Variants in CTNNA2 observed in about 807,000 individuals in gnomAD.
CTNNA2 encodes the protein catenin alpha 2.
Under a neutral mutation model 101.0 loss-of-function variants are expected in CTNNA2, and 42 were observed. That is an observed-to-expected ratio of 0.42 (90% CI 0.32 to 0.54). CTNNA2 has a LOEUF of 0.54. Among genes scored for constraint, CTNNA2 ranks in the 20% least tolerant of loss-of-function variants. CTNNA2 has a pLI of 0.14. For missense variants in CTNNA2, 871 were observed against 1,223.1 expected (o/e 0.71, Z 4.29); for synonymous variants, 450 against 456.4 (o/e 0.99, Z 0.18).
intron 1 of CTNNA2, among the ~76,000 whole-genome samples, chr2:79,603,482 T>C (rs1380386287): frequency 6.6e-6 from 1 of 152,146 alleles, no homozygotes; most frequent in African/African-American, 2.4e-5. Context: ...AGAAGATTGT[T>C]GAAAAAACAT....
chr2:79,504,801 A>G (rs1671377473), intron 4 of CTNNA2, among the ~76,000 whole-genome samples: 1 of 152,192 alleles, frequency 6.6e-6, no homozygotes. Flanking sequence ...AGTACAGTGA[A>G]AAGGGTGTAT....
intron 9 of CTNNA2, among the ~76,000 whole-genome samples, chr2:80,427,214 G>T (rs975555945): frequency 1.3e-5 from 2 of 152,168 alleles, no homozygotes; most frequent in Non-Finnish European, 2.9e-5. Flanking sequence ...TAGCACAGTT[G>T]TAGGATCCTA....
At chr2:79,202,634 A>C (rs971793874) in intron 2 of CTNNA2, among the ~76,000 whole-genome samples, 1 of 152,176 alleles carries the variant, frequency 6.6e-6, no homozygotes, top group Non-Finnish European at 1.5e-5. Context: ...CTTTAATCCT[A>C]TGAGAGAATA....
chr2:79,280,139 A>G (rs1027969639), intron 2 of CTNNA2, among the ~76,000 whole-genome samples: 7 of 152,106 alleles, frequency 4.6e-5, no homozygotes, highest in African/African-American at 1.7e-4. Context: ...TTGTCAAGGG[A>G]TACGGAGGTT....
chr2:80,094,321 T>C (rs1700000155), intron 7 of CTNNA2, among the ~76,000 whole-genome samples: 2 of 152,138 alleles, frequency 1.3e-5, no homozygotes, highest in Admixed American at 1.3e-4. Flanking sequence ...GTTGTAGATA[T>C]GCGGCATTAT....
rs35054232 is a variant in CTNNA2, at chr2:80,302,581, A to G, written c.1057-90630A>G. 18,243 of 1,607,344 alleles carry G rather than the reference A, an allele frequency of 0.011. 750 individuals are homozygous for G. In the African/African-American group the frequency reaches 0.14, roughly 12 times the overall value. On this transcript the variant is annotated intron_variant, in intron 7 of 18. Transcript: ENST00000402739. The surrounding 1 kb of genome is among the most constrained non-coding windows in gnomAD (Gnocchi z 6.4). ...CGTTCTCGGCGTGCTCGCCGCCTGG[A>G]AGAGCCACGGTGGCAGGCTCGAATG...
intron 4 of CTNNA2, among the ~76,000 whole-genome samples, chr2:79,392,548 C>G (rs1252885370): frequency 6.6e-6 from 1 of 152,122 alleles, no homozygotes; most frequent in Non-Finnish European, 1.5e-5. Flanking sequence ...AAATATCAGG[C>G]CAGTTTTTGT....
At chr2:80,101,943 T>TTG (rs761957086) in intron 7 of CTNNA2, among the ~76,000 whole-genome samples, 4 of 152,182 alleles carry the variant, frequency 2.6e-5, no homozygotes, top group Non-Finnish European at 5.9e-5. Flanking sequence ...AAGTCTGCTC[T>TTG]TGTAGATTCT....
intron 7 of CTNNA2, among the ~76,000 whole-genome samples, chr2:80,193,811 G>C (rs775711026): frequency 5.9e-5 from 9 of 152,112 alleles, no homozygotes; most frequent in Non-Finnish European, 1.0e-4. Flanking sequence ...ATATCCAGCT[G>C]TTAATCATTA....
intron 4 of CTNNA2, among the ~76,000 whole-genome samples, chr2:79,449,124 G>A (rs1003305216): frequency 1.3e-5 from 2 of 151,958 alleles, no homozygotes; most frequent in African/African-American, 2.4e-5. Context: ...CCCCAAAAAG[G>A]GGTTTTAAAA....
At chr2:80,329,024 T>G (rs1398340620) in intron 7 of CTNNA2, among the ~76,000 whole-genome samples, 1 of 152,234 alleles carries the variant, frequency 6.6e-6, no homozygotes, top group Non-Finnish European at 1.5e-5. Flanking sequence ...TCATTATGAC[T>G]GTATAAGTTT....
At position 79,580,542 on chromosome 2, in the gene CTNNA2, C is replaced by T. The variant is rs966599189; in HGVS notation, c.-6+67335C>T. Among the ~76,000 whole-genome samples the T allele has an allele frequency of 7.9e-5, 12 of 152,220 alleles. No individual in the cohort carries two copies. In the South Asian group the frequency reaches 1.4e-3, roughly 18 times the overall value. ...GGTAACTTTAGCCTGGTAAGACCCA[C>T]GCTGGACTTCTTCTGACCTAGAGAA... On this transcript the variant is annotated intron_variant, in intron 1 of 18. Coordinates refer to ENST00000402739, the MANE Select transcript of CTNNA2 (RefSeq NM_001282597.3).
intron 1 of CTNNA2, among the ~76,000 whole-genome samples, chr2:79,568,772 A>G (rs1010636360): frequency 2.7e-5 from 4 of 149,430 alleles, no homozygotes; most frequent in Non-Finnish European, 5.9e-5. Context: ...CTGTAATCCC[A>G]GCACTTTGGG....
chr2:80,633,538 C>T (rs1672512855), intron 18 of CTNNA2, among the ~76,000 whole-genome samples: 1 of 152,230 alleles, frequency 6.6e-6, no homozygotes, highest in Non-Finnish European at 1.5e-5. Context: ...ATGTTTCCCT[C>T]CACATAAATG....
At chr2:79,238,007 A>C (rs1340302744) in intron 2 of CTNNA2, among the ~76,000 whole-genome samples, 1 of 152,170 alleles carries the variant, frequency 6.6e-6, no homozygotes, top group Non-Finnish European at 1.5e-5. Context: ...TTTCCTTCGC[A>C]TTCACAACGT....
At position 80,549,689 on chromosome 2, in the gene CTNNA2, CCTCT is replaced by C. The variant is rs201954715; in HGVS notation, c.1540+3633_1540+3636del. On this transcript the variant is annotated intron_variant, in intron 11 of 18. Transcript: ENST00000402739. ...TCTTTTCCTTTCTAGTTGCAACATT[CCTCT>C]CTCTCTTTACTTCATGAATTCTTTC... Among the ~76,000 whole-genome samples, 22 of 152,140 alleles carry C rather than the reference CCTCT, an allele frequency of 1.4e-4. No homozygotes were observed. The East Asian group carries it at 2.3e-3, about 16-fold the overall frequency.
intron 1 of CTNNA2, among the ~76,000 whole-genome samples, chr2:79,624,806 T>A (rs1178781559): frequency 6.6e-6 from 1 of 152,130 alleles, no homozygotes; most frequent in Admixed American, 6.5e-5. Flanking sequence ...TGGTGAGAAG[T>A]GTAGAGTACT....
intron 7 of CTNNA2, among the ~76,000 whole-genome samples, chr2:80,093,689 T>A (rs1437817766): frequency 6.7e-6 from 1 of 149,936 alleles, no homozygotes; most frequent in East Asian, 1.9e-4. Context: ...TTTTTAATGA[T>A]CGCCATTCTA....
At chr2:79,742,664 C>A (rs1671371261) in intron 2 of CTNNA2, among the ~76,000 whole-genome samples, 1 of 152,192 alleles carries the variant, frequency 6.6e-6, no homozygotes, top group Non-Finnish European at 1.5e-5. Flanking sequence ...GGTTGCCTCA[C>A]ATGGGTGGCA....
Sources: gnomAD v4.1 joint callset for allele counts (sites outside exome capture counted in the v4.1 genomes callset) on GRCh38, gnomAD v4.1.1 for gene constraint, Gnocchi (gnomAD v3.1) non-coding constraint, MANE v1.5 for transcripts, NCBI Gene and HGNC (gene_info 2026-07-23, HGNC 2026-07-21) for gene names.